ZNF343: variants seen among roughly 807,000 people sequenced by gnomAD.
ZNF343 encodes the protein zinc finger protein 343.
A neutral mutation model predicts 13.8 loss-of-function variants in ZNF343; 11 were observed. The ratio of observed to expected loss-of-function variants is 0.80; its 90% CI spans 0.50 to 1.32. The LOEUF (loss-of-function observed/expected upper bound fraction) is 1.32, where lower values mean the gene tolerates loss of function less well. Ranked by LOEUF, ZNF343 falls within the 40% of genes most tolerant of loss-of-function variation. ZNF343 has a pLI of 0.00. For missense variants in ZNF343, 658 were observed against 714.2 expected, an observed-to-expected ratio of 0.92 and a Z score of 0.90; for synonymous variants, 248 against 260.0, an observed-to-expected ratio of 0.95 and a Z score of 0.44.
At position 2,483,978 on chromosome 20, in the gene ZNF343, C is replaced by A; in HGVS notation, c.983G>T (p.Arg328Met). ...ACTTCTAAAGCTTTGCCCACACTCC[C>A]TGCACAAATAAGGCTTCTCTTCTGA... is the stretch of plus-strand genomic sequence containing the variant. ...THSEEKPYLC[R>M]ECGQSFRSKS... Residue 328 changes from arginine to methionine, a missense_variant, in exon 6 of 6, where the codon AGG (arginine) becomes ATG (methionine). Coordinates refer to ENST00000278772, the MANE Select transcript of ZNF343 (RefSeq NM_024325.6). 6.2e-7 allele frequency: 1 copy of A among 1,614,236 alleles called. No individual in the cohort carries two copies. Among genetic ancestry groups the A allele is most frequent in the Non-Finnish European group, 8.5e-7 (1 of 1,180,044 alleles).
rs144612155 is a variant in ZNF343 at position 2,493,883 on chromosome 20, A to G, written c.13T>C (p.Tyr5His). Residue 5 changes from tyrosine to histidine, a missense_variant, in exon 3 of 6, where the codon TAT becomes CAT. Coordinates refer to ENST00000278772, the MANE Select transcript of ZNF343 (RefSeq NM_024325.6). MMLP[Y>H]PSALGDQYWE... ...TATTGATCTCCCAGTGCTGAAGGAT[A>G]AGGCAACATCATGGCGCCAGAGTCA... 1.1e-4 allele frequency: 179 copies of G among 1,612,752 alleles called. No homozygotes were observed. Among genetic ancestry groups the G allele is most frequent in the Middle Eastern group, 6.6e-4 (4 of 6,058 alleles).
At chr20:2,484,692 A>T in intron 5 of ZNF343, 36 bp from the exon 6 acceptor site, 9 of 1,547,704 alleles carry the variant, frequency 5.8e-6, no homozygotes, top group Non-Finnish European at 7.9e-6. Flanking sequence ...AGTAGCCATA[A>T]GTAGGGCTGC....
chr20:2,503,620 C>T (rs1368648152), intron 1 of ZNF343, among the ~76,000 whole-genome samples: 2 of 152,172 alleles, frequency 1.3e-5, no homozygotes, highest in Non-Finnish European at 2.9e-5. Flanking sequence ...TCTCAGACCA[C>T]AGTGCAATCA....
At position 2,482,997 on chromosome 20, in the gene ZNF343, G is replaced by T; in HGVS notation, c.*164C>A. On this transcript the variant is annotated 3_prime_UTR_variant, in exon 6 of 6. Transcript: ENST00000278772. ...TCTATACTCATAAGGCTCCTCTCCTGAACGTGTCCCTCCCATGCCTGATAA... is the reference window on the plus strand; with the variant it reads ...TCTATACTCATAAGGCTCCTCTCCTTAACGTGTCCCTCCCATGCCTGATAA... 1.2e-6 allele frequency: 1 copy of T among 819,394 alleles called. No individual in the cohort carries two copies. The highest frequency in any genetic ancestry group is 1.9e-6 in the Non-Finnish European group (1 of 533,436). 50.8% of individuals were successfully genotyped at this position (819,394 alleles called of 1,614,324 possible). A position where few individuals can be genotyped will look rare whatever the true frequency, so the allele number is the denominator to read the frequency against.
At chr20:2,512,014 A>C (rs1238040165), upstream of ZNF343, among the ~76,000 whole-genome samples, 2 of 152,258 alleles carry the variant, frequency 1.3e-5, no homozygotes, top group African/African-American at 4.8e-5. Flanking sequence ...TATAGTAAAC[A>C]CTACATTTCT....
chr20:2,502,639 G>A (rs1460803749), intron 1 of ZNF343, among the ~76,000 whole-genome samples: 1 of 152,200 alleles, frequency 6.6e-6, no homozygotes, highest in Non-Finnish European at 1.5e-5. Context: ...CAAGCCAGAA[G>A]AGAGTGGGGG....
chr20:2,515,012 A>G (rs2085753315), intron 1 of ZNF343, among the ~76,000 whole-genome samples: 2 of 151,726 alleles, frequency 1.3e-5, no homozygotes, highest in African/African-American at 2.4e-5. Flanking sequence ...CAAAAAAAAA[A>G]AAGAAGAAGA....
chr20:2,481,898 C>T lies in ZNF343; in HGVS notation c.*1263G>A, dbSNP rs572280866. The T allele has an allele frequency of 1.3e-5, 2 of 152,216 alleles. No individual in the cohort carries two copies. The highest frequency in any genetic ancestry group is 4.8e-5 in the African/African-American group (2 of 41,446). The allele number at this position is 152,216 out of a possible 1,614,324, so 9.4% of individuals were successfully genotyped here. On this transcript the variant is annotated 3_prime_UTR_variant, in exon 6 of 6. Transcript: ENST00000278772. ...GAAAAGAATGCTTATTTAACAGTTA[C>T]TGCCATCTTCGCTCACATACAGAGT...
At chr20:2,501,464 T>C (rs1600067789) in intron 1 of ZNF343, among the ~76,000 whole-genome samples, 1 of 152,144 alleles carries the variant, frequency 6.6e-6, no homozygotes, top group Non-Finnish European at 1.5e-5. Context: ...GAAGAGAGTA[T>C]TGGTTCTCCC....
At position 2,483,334 on chromosome 20, in the gene ZNF343, G is replaced by A. The variant is rs1313608844; in HGVS notation, c.1627C>T (p.His543Tyr). ...CACACGTAAGGCTTCTCTCCTGAGT[G>A]TGTCCTCTCATGTACAATGAGGGTT... ...KSTLIVHERT[H>Y]SGEKPYVCSE... is the part of the protein sequence containing the mutation. The change falls in exon 6 of 6, where the codon CAC becomes TAC. Residue 543 changes from histidine to tyrosine, a missense_variant. Transcript: ENST00000278772. 2 of 1,612,032 alleles carry A rather than the reference G, an allele frequency of 1.2e-6. No homozygotes were observed. The highest frequency in any genetic ancestry group is 8.5e-7 in the Non-Finnish European group (1 of 1,179,536).
upstream of ZNF343, among the ~76,000 whole-genome samples, chr20:2,509,840 G>A (rs2085727427): frequency 6.6e-6 from 1 of 152,134 alleles, no homozygotes; most frequent in African/African-American, 2.4e-5. Context: ...TTACTGAAGG[G>A]GAAATAAACC....
At chr20:2,511,975 T>C (rs1600082171), upstream of ZNF343, among the ~76,000 whole-genome samples, 1 of 151,474 alleles carries the variant, frequency 6.6e-6, no homozygotes, top group African/African-American at 2.5e-5. Context: ...AGTAAAACTA[T>C]CTCTATTCAC....
In ZNF343 at chr20:2,485,580, C is replaced by G. The variant is rs1485442315; in HGVS notation, c.305-924G>C. Among the ~76,000 whole-genome samples, 3 of 152,226 alleles carry G rather than the reference C, an allele frequency of 2.0e-5. No homozygotes were observed. In the East Asian group the frequency reaches 5.8e-4, roughly 29 times the overall value. Reference sequence around the variant, plus strand: ...ATGCTAGTTTTCAAACCTTAATTAGCATAACCATCATGAAACTGCTCCCTA... The same window carrying G: ...ATGCTAGTTTTCAAACCTTAATTAGGATAACCATCATGAAACTGCTCCCTA... On this transcript the variant is annotated intron_variant, in intron 5 of 5. Transcript: ENST00000278772.
chr20:2,506,429 G>A (rs1296819107), intron 1 of ZNF343, among the ~76,000 whole-genome samples: 1 of 151,926 alleles, frequency 6.6e-6, no homozygotes, highest in Non-Finnish European at 1.5e-5. Flanking sequence ...ATTTGACCCA[G>A]CCATCCCATT....
chr20:2,484,113 G>A lies in ZNF343; in HGVS notation c.848C>T (p.Thr283Ile). The change falls in exon 6 of 6, where the codon ACC (threonine) becomes ATC (isoleucine). Residue 283 changes from threonine to isoleucine, a missense_variant. By Grantham distance (89) the Thr-to-Ile change is moderately conservative. Coordinates refer to ENST00000278772, the MANE Select transcript of ZNF343 (RefSeq NM_024325.6). ...GTGTATACGATGGTGTCTGATGAGGGTTGATCTATCTTTAAAGCTTCGCCC... is the reference window on the plus strand; with the variant it reads ...GTGTATACGATGGTGTCTGATGAGGATTGATCTATCTTTAAAGCTTCGCCC... ...DCGRSFKDRS[T>I]LIRHHRIHSM... is the part of the protein sequence containing the mutation. 1.2e-6 allele frequency: 2 copies of A among 1,614,208 alleles called. No individual in the cohort carries two copies. The highest frequency in any genetic ancestry group is 1.7e-6 in the Non-Finnish European group (2 of 1,180,042).
intron 1 of ZNF343, among the ~76,000 whole-genome samples, chr20:2,502,721 A>G (rs2085590325): frequency 6.6e-6 from 1 of 152,126 alleles, no homozygotes; most frequent in Admixed American, 6.5e-5. Context: ...TAAGCTTCGT[A>G]AGTGAAGGAG....
chr20:2,518,489 T>C lies in ZNF343; in HGVS notation c.-347+5966A>G, dbSNP rs1353679785. On this transcript the variant is annotated intron_variant, in intron 1 of 6. Coordinates refer to the ZNF343 transcript ENST00000358413. The surrounding 1 kb of genome is among the most constrained non-coding windows in gnomAD (Gnocchi z 4.6). ...AGAATCACTAACTGTTGTCAAATAA[T>C]CTTTTGTACTCCAAAGTACTCCAAA... 6.6e-6 allele frequency among the ~76,000 whole-genome samples: 1 copy of C among 152,198 alleles called. No individual in the cohort carries two copies. The highest frequency in any genetic ancestry group is 1.5e-5 in the Non-Finnish European group (1 of 68,038).
Position 2,493,820 on chromosome 20 carries a change from C to A in ZNF343, c.76G>T (p.Val26Leu), listed in dbSNP as rs972588881. 6.2e-7 allele frequency: 1 copy of A among 1,614,066 alleles called. No individual in the cohort carries two copies. The highest frequency in any genetic ancestry group is 8.5e-7 in the Non-Finnish European group (1 of 1,179,948). ...TGGGTCAATTTCTTCATAGTCTCTA[C>A]ATTTTCCCCATTCTTTGGAAGCAAA... ...EILLPKNGEN[V>L]ETMKKLTQNH... is the part of the protein sequence containing the mutation. The change falls in exon 3 of 6, where the codon GTA becomes TTA. Residue 26 changes from valine (V) to leucine (L), a missense_variant. Coordinates refer to ENST00000278772, the MANE Select transcript of ZNF343 (RefSeq NM_024325.6).
rs563655013 is a variant in ZNF343, at chr20:2,508,561, C to T, written c.-237+320G>A. Among the ~76,000 whole-genome samples, 2 of 152,158 alleles carry T rather than the reference C, an allele frequency of 1.3e-5. No homozygotes were observed. Among genetic ancestry groups the T allele is most frequent in the Non-Finnish European group, 2.9e-5 (2 of 68,020 alleles). On this transcript the variant is annotated intron_variant, in intron 1 of 5. Coordinates refer to ENST00000278772, the MANE Select transcript of ZNF343 (RefSeq NM_024325.6). This position sits in a 1 kb window ranked among gnomAD's most constrained non-coding sequence, Gnocchi z 4.5. ...ACCCCAGGACGCACGACTGGGGCCG[C>T]CCTCCGTATTCGAAAACTGGTTGAC...
Sources: allele counts gnomAD v4.1 joint callset (sites outside exome capture counted in the v4.1 genomes callset), GRCh38; gene constraint gnomAD v4.1.1; non-coding constraint Gnocchi (gnomAD v3.1); transcripts MANE v1.5; gene names NCBI Gene and HGNC (gene_info 2026-07-23, HGNC 2026-07-21).